CLVS1: variants seen among roughly 807,000 people sequenced by gnomAD.
CLVS1 encodes the protein clavesin 1.
CLVS1 carries 10 observed loss-of-function variants against 33.1 expected under a neutral mutation model. The ratio of observed to expected loss-of-function variants is 0.30; its 90% CI spans 0.19 to 0.51. The LOEUF is 0.51. Among genes scored for constraint, CLVS1 ranks in the 20% least tolerant of loss-of-function variants. The pLI is 0.97. For missense variants in CLVS1, 343 were observed against 433.4 expected, an observed-to-expected ratio of 0.79 and a Z score of 1.85; for synonymous variants, 163 against 166.1, an observed-to-expected ratio of 0.98 and a Z score of 0.14.
At chr8:61,142,621 T>A (rs532290513) in intron 2 of CLVS1, among the ~76,000 whole-genome samples, 1 of 152,308 alleles carries the variant, frequency 6.6e-6, no homozygotes, top group South Asian at 2.1e-4. Flanking sequence ...TCACCTTTCT[T>A]TTTTGTAGCC....
chr8:61,132,298 G>A (rs971939405), intron 2 of CLVS1, among the ~76,000 whole-genome samples: 6 of 152,248 alleles, frequency 3.9e-5, no homozygotes, highest in Non-Finnish European at 5.9e-5. Flanking sequence ...GGTGAAAACC[G>A]ATGCTGGGGT....
chr8:61,294,134 G>C (rs752427876), intron 1 of CLVS1, among the ~76,000 whole-genome samples: 3 of 152,116 alleles, frequency 2.0e-5, no homozygotes, highest in Non-Finnish European at 2.9e-5. Flanking sequence ...ACAGGGTGTG[G>C]ATGTGTGTCT....
chr8:60,969,890 T>C, the CLVS1 span, among the ~76,000 whole-genome samples: 1 of 152,314 alleles, frequency 6.6e-6, no homozygotes, highest in South Asian at 2.1e-4. Flanking sequence ...CTAGAGATGA[T>C]TTAAAATATA....
intron 2 of CLVS1, among the ~76,000 whole-genome samples, chr8:61,207,908 C>T (rs1446737011): frequency 1.3e-5 from 2 of 152,236 alleles, no homozygotes; most frequent in Non-Finnish European, 2.9e-5. Context: ...TTTTCAGACA[C>T]TGGAAGTCCT....
At chr8:61,410,594 C>G (rs977034215) in intron 3 of CLVS1, among the ~76,000 whole-genome samples, 9 of 152,028 alleles carry the variant, frequency 5.9e-5, no homozygotes, top group African/African-American at 1.9e-4. Context: ...CATACCCGCC[C>G]CACTCTCCAC....
chr8:61,423,177 C>T (rs766118150), intron 3 of CLVS1, among the ~76,000 whole-genome samples: 24 of 152,148 alleles, frequency 1.6e-4, no homozygotes, highest in Non-Finnish European at 2.2e-4. Flanking sequence ...GTCAACTGCC[C>T]CCACCTCAAC....
chr8:61,233,529 GAA>G (rs1808490527), intron 2 of CLVS1, among the ~76,000 whole-genome samples: 3 of 143,140 alleles, frequency 2.1e-5, no homozygotes, highest in African/African-American at 7.9e-5. Flanking sequence ...AAAAAAGAAA[GAA>G]AAAGAAAAAG....
intron 2 of CLVS1, among the ~76,000 whole-genome samples, chr8:61,247,099 G>A (rs1808828466): frequency 6.6e-6 from 1 of 152,124 alleles, no homozygotes. Context: ...AAGAATGATA[G>A]CCTCTAGCTC....
intron 2 of CLVS1, among the ~76,000 whole-genome samples, chr8:61,327,947 A>G (rs1029041555): frequency 6.6e-6 from 1 of 152,236 alleles, no homozygotes; most frequent in Non-Finnish European, 1.5e-5. Flanking sequence ...CTCTAAAGAC[A>G]TGCATTGTTT....
chr8:61,121,983 G>T (rs1049839118), intron 1 of CLVS1, among the ~76,000 whole-genome samples: 3 of 152,200 alleles, frequency 2.0e-5, no homozygotes, highest in Non-Finnish European at 4.4e-5. Context: ...GGGAGGTAAA[G>T]AATTAGAATC....
At chr8:61,035,032 A>G in the CLVS1 span, among the ~76,000 whole-genome samples, 1 of 152,214 alleles carries the variant, frequency 6.6e-6, no homozygotes, top group Non-Finnish European at 1.5e-5. Context: ...TTACTTGAAT[A>G]TCTGTATTAT....
the CLVS1 span, among the ~76,000 whole-genome samples, chr8:60,968,960 G>A: frequency 2.0e-5 from 3 of 151,658 alleles, no homozygotes; most frequent in African/African-American, 7.3e-5. Flanking sequence ...ATGGTGCTAT[G>A]GATGTTCACA....
At chr8:61,278,918 G>T (rs1391197585) in intron 2 of CLVS1, among the ~76,000 whole-genome samples, 1 of 152,168 alleles carries the variant, frequency 6.6e-6, no homozygotes, top group Admixed American at 6.5e-5. Flanking sequence ...GACAGCACAA[G>T]CTTGGGACAG....
intron 2 of CLVS1, among the ~76,000 whole-genome samples, chr8:61,197,764 C>G (rs1370901392): frequency 6.6e-6 from 1 of 152,186 alleles, no homozygotes; most frequent in African/African-American, 2.4e-5. Flanking sequence ...AAGTGATCCA[C>G]CTACCTCGGC....
chr8:61,145,114 TAAACTA>T (rs1163696297), intron 2 of CLVS1, among the ~76,000 whole-genome samples: 3 of 152,168 alleles, frequency 2.0e-5, no homozygotes, highest in Non-Finnish European at 2.9e-5. Flanking sequence ...TGAGATCTAA[TAAACTA>T]AAAAGCTTCT....
the CLVS1 span, among the ~76,000 whole-genome samples, chr8:61,029,629 T>C: frequency 6.6e-6 from 1 of 152,010 alleles, no homozygotes; most frequent in Non-Finnish European, 1.5e-5. Flanking sequence ...ATTTAAGTTA[T>C]GGGGTACATG....
chr8:61,039,135 T>C, the CLVS1 span, among the ~76,000 whole-genome samples: 1 of 152,232 alleles, frequency 6.6e-6, no homozygotes, highest in African/African-American at 2.4e-5. Context: ...TGTATTTTTA[T>C]ATGTGTTATA....
chr8:61,322,629 T>C (rs1211308003), intron 2 of CLVS1, among the ~76,000 whole-genome samples: 1 of 152,156 alleles, frequency 6.6e-6, no homozygotes, highest in Non-Finnish European at 1.5e-5. Flanking sequence ...AGAAGTTTGT[T>C]GTTAACTGAA....
chr8:61,393,336 G>A (rs141654464), intron 3 of CLVS1, among the ~76,000 whole-genome samples: 33 of 151,586 alleles, frequency 2.2e-4, no homozygotes, highest in Middle Eastern at 3.4e-3. Flanking sequence ...TCTTTAAGTC[G>A]GTTTTCACCT....
Sources: gnomAD v4.1 joint callset for allele counts (sites outside exome capture counted in the v4.1 genomes callset) on GRCh38, gnomAD v4.1.1 for gene constraint, MANE v1.5 for transcripts, NCBI Gene and HGNC (gene_info 2026-07-23, HGNC 2026-07-21) for gene names.